The following ITGB6 variants were observed in gnomAD, a reference collection of about 807,000 sequenced individuals.
ITGB6 encodes the protein integrin subunit beta 6, also known as integrin beta-6.
ITGB6 carries 80 observed loss-of-function variants against 84.5 expected under a neutral mutation model. That is an observed-to-expected ratio of 0.95 (90% CI 0.79 to 1.14). The LOEUF (loss-of-function observed/expected upper bound fraction) is 1.14. Among genes scored for constraint, ITGB6 ranks in the 50% most tolerant of loss-of-function variants. The pLI is 0.00. For synonymous variants in ITGB6, 383 were observed against 354.9 expected (o/e 1.08, Z -0.89); for missense variants, 1,006 against 968.0 (o/e 1.04, Z -0.52).
chr2:160,127,778 G>A (rs139987012), intron 10 of ITGB6, among the ~76,000 whole-genome samples: 3 of 152,336 alleles, frequency 2.0e-5, no homozygotes, highest in Non-Finnish European at 2.9e-5. Flanking sequence ...GTGTGTCTCT[G>A]TGCATATTTA....
chr2:160,175,623 T>C (rs1205528658), intron 4 of ITGB6, among the ~76,000 whole-genome samples: 1 of 152,240 alleles, frequency 6.6e-6, no homozygotes, highest in Non-Finnish European at 1.5e-5. Flanking sequence ...TTAGTGTTCC[T>C]AAGTGCAAGA....
At chr2:160,184,639 A>G (rs371630942) in intron 4 of ITGB6, among the ~76,000 whole-genome samples, 11 of 152,332 alleles carry the variant, frequency 7.2e-5, no homozygotes, top group African/African-American at 2.6e-4. Context: ...TGAGGCCAGC[A>G]TCATCCTAAT....
At chr2:160,173,067 A>T (rs1440206264) in intron 5 of ITGB6, among the ~76,000 whole-genome samples, 1 of 152,200 alleles carries the variant, frequency 6.6e-6, no homozygotes, top group Non-Finnish European at 1.5e-5. Flanking sequence ...AGAGGAGGTC[A>T]TAGATGGTCC....
At chr2:160,195,987 A>G (rs1277287780) in intron 3 of ITGB6, among the ~76,000 whole-genome samples, 1 of 152,342 alleles carries the variant, frequency 6.6e-6, no homozygotes, top group Admixed American at 6.5e-5. Flanking sequence ...CATTTGAATA[A>G]TTTAAATGGT....
At chr2:160,106,577 C>T (rs759519672) in intron 14 of ITGB6, among the ~76,000 whole-genome samples, 11 of 152,180 alleles carry the variant, frequency 7.2e-5, no homozygotes, top group Non-Finnish European at 1.3e-4. Context: ...TACAGGTGGA[C>T]TGTTCAAATC....
chr2:160,158,701 G>A (rs1035079212), intron 7 of ITGB6, among the ~76,000 whole-genome samples: 5 of 152,186 alleles, frequency 3.3e-5, no homozygotes, highest in Admixed American at 6.5e-5. Context: ...CGAGAAAATA[G>A]CAAGTAGGTG....
intron 12 of ITGB6, among the ~76,000 whole-genome samples, chr2:160,118,743 T>C (rs186946664): frequency 0.12 from 17,549 of 143,050 alleles, 1,617 homozygotes; most frequent in East Asian, 0.26. Context: ...TTGCAGATGA[T>C]GTGATTGTAT....
At chr2:160,173,896 TA>T in intron 5 of ITGB6, 77 bp downstream of exon 5, 1 of 1,257,774 alleles carries the variant, frequency 8.0e-7, no homozygotes, top group Non-Finnish European at 1.1e-6. Flanking sequence ...GGAAATTAGC[TA>T]ATCTTTTTGA....
In ITGB6 at chr2:160,112,210, A is replaced by G; in HGVS notation, c.1982-11T>C. The G allele has an allele frequency of 6.2e-7, 1 of 1,600,762 alleles. No individual in the cohort carries two copies. The highest frequency in any genetic ancestry group is 8.5e-7 in the Non-Finnish European group (1 of 1,174,398). ...CATCCTTTGAGAAATCTGCAGATAAAGGAGTCATTCATTAGGTTAAACAAG... is the reference window on the plus strand; with the variant it reads ...CATCCTTTGAGAAATCTGCAGATAAGGGAGTCATTCATTAGGTTAAACAAG... On this transcript the variant is annotated splice_polypyrimidine_tract_variant and intron_variant, in intron 12 of 14. Transcript: ENST00000283249.
intron 10 of ITGB6, among the ~76,000 whole-genome samples, chr2:160,135,591 G>A (rs1442067018): frequency 1.3e-5 from 2 of 151,506 alleles, no homozygotes; most frequent in Non-Finnish European, 2.9e-5. Context: ...AGCCCACATT[G>A]CCAAGTCAAT....
At chr2:160,147,969 C>A (rs1274179024) in intron 7 of ITGB6, among the ~76,000 whole-genome samples, 1 of 152,096 alleles carries the variant, frequency 6.6e-6, no homozygotes, top group Non-Finnish European at 1.5e-5. Context: ...AATTGGTAAG[C>A]TGGACTTAAA....
intron 4 of ITGB6, among the ~76,000 whole-genome samples, chr2:160,187,497 T>C (rs942821353): frequency 6.6e-6 from 1 of 152,232 alleles, no homozygotes; most frequent in Non-Finnish European, 1.5e-5. Flanking sequence ...AAAAAAGCTA[T>C]TATATGCTTC....
intron 12 of ITGB6, among the ~76,000 whole-genome samples, chr2:160,117,748 C>A (rs1682849488): frequency 6.6e-6 from 1 of 151,978 alleles, no homozygotes; most frequent in African/African-American, 2.4e-5. Flanking sequence ...AAAAGATCAA[C>A]AAAATCAATA....
intron 8 of ITGB6, among the ~76,000 whole-genome samples, chr2:160,138,714 C>G (rs1182891295): frequency 6.6e-6 from 1 of 152,146 alleles, no homozygotes; most frequent in African/African-American, 2.4e-5. Flanking sequence ...ATTCCTCCAC[C>G]AATGAATATT....
At chr2:160,181,855 G>A (rs1391314392) in intron 4 of ITGB6, among the ~76,000 whole-genome samples, 1 of 152,174 alleles carries the variant, frequency 6.6e-6, no homozygotes, top group Non-Finnish European at 1.5e-5. Context: ...ACAGGGTCTG[G>A]AGTGGACCTC....
At chr2:160,197,756 G>C (rs1686400149) in intron 2 of ITGB6, among the ~76,000 whole-genome samples, 1 of 152,224 alleles carries the variant, frequency 6.6e-6, no homozygotes, top group Non-Finnish European at 1.5e-5. Context: ...GCTGGCCAAG[G>C]CTTCAGAATC....
At chr2:160,160,094 T>C (rs1211743550) in intron 7 of ITGB6, among the ~76,000 whole-genome samples, 1 of 152,230 alleles carries the variant, frequency 6.6e-6, no homozygotes, top group Non-Finnish European at 1.5e-5. Flanking sequence ...TTTTTGTAAA[T>C]AACTATGCTC....
Position 160,154,964 on chromosome 2 carries a change from T to C in ITGB6, c.1018-12893A>G, listed in dbSNP as rs376335251. Among the ~76,000 whole-genome samples the C allele has an allele frequency of 2.6e-5, 4 of 152,238 alleles. No individual in the cohort carries two copies. The East Asian group carries it at 7.7e-4, about 29-fold the overall frequency. ...TGGATCATGGGGTGAAGTTTCCCCT[T>C]GCTGTTTTCGTGATAGTGAGTGAGG... On this transcript the variant is annotated intron_variant, in intron 7 of 14. Transcript: ENST00000283249.
intron 12 of ITGB6, among the ~76,000 whole-genome samples, chr2:160,116,538 G>T (rs1250360148): frequency 6.6e-6 from 1 of 152,036 alleles, no homozygotes; most frequent in Non-Finnish European, 1.5e-5. Flanking sequence ...AGGAACAACT[G>T]GTACCAGCCA....
Sources: allele counts gnomAD v4.1 joint callset (sites outside exome capture counted in the v4.1 genomes callset), GRCh38; gene constraint gnomAD v4.1.1; transcripts MANE v1.5; gene names NCBI Gene and HGNC (gene_info 2026-07-23, HGNC 2026-07-21).